Variants in TTLL3 observed in about 807,000 individuals in gnomAD.
TTLL3 encodes the protein tubulin tyrosine ligase like 3.
TTLL3 carries 63 observed loss-of-function variants against 75.2 expected under a neutral mutation model. That is an observed-to-expected ratio of 0.84 (90% confidence interval 0.68 to 1.03). The LOEUF (loss-of-function observed/expected upper bound fraction) is 1.03. TTLL3 is among the 50% of genes least tolerant of loss of function. The probability of loss-of-function intolerance (pLI) is 0.00; values close to 1 mark genes in which losing one functional copy is unlikely to be tolerated. For synonymous variants in TTLL3, 393 were observed against 418.5 expected (o/e 0.94, Z 0.74); for missense variants, 997 against 1,069.9 (o/e 0.93, Z 0.95).
chr3:9,820,842 C>G, intron 8 of TTLL3, 101 bp downstream of exon 8: 1 of 1,495,566 alleles, frequency 6.7e-7, no homozygotes, highest in African/African-American at 1.4e-5. Flanking sequence ...GCCTCCCGCT[C>G]GTTTACCCCG....
intron 6 of TTLL3, chr3:9,818,514 G>A (rs954085706): frequency 3.3e-4 from 126 of 383,398 alleles, no homozygotes; most frequent in Non-Finnish European, 4.2e-4. Context: ...GACTACAGGC[G>A]CCCGCCATCA....
At chr3:9,824,473 C>T (rs904362244) in intron 8 of TTLL3, among the ~76,000 whole-genome samples, 12 of 152,218 alleles carry the variant, frequency 7.9e-5, no homozygotes, top group African/African-American at 1.4e-4. Flanking sequence ...TGCAATGGCG[C>T]GATCTCGGCT....
chr3:9,834,114 A>G (rs1353069636), intron 12 of TTLL3: 4 of 102,382 alleles, frequency 3.9e-5, no homozygotes, highest in African/African-American at 1.2e-4. Context: ...CTCTGTCTCA[A>G]AAAAAAAAAA....
chr3:9,823,315 C>T (rs549500087), intron 8 of TTLL3, among the ~76,000 whole-genome samples: 24 of 151,146 alleles, frequency 1.6e-4, no homozygotes, highest in African/African-American at 1.7e-4. Context: ...ACCCAGAAGG[C>T]GGAGCTTGCA....
At chr3:9,813,750 A>T (rs1289836134) in intron 4 of TTLL3, among the ~76,000 whole-genome samples, 1 of 152,078 alleles carries the variant, frequency 6.6e-6, no homozygotes, top group African/African-American at 2.4e-5. Context: ...GCACCATTGC[A>T]CTCCAACCTG....
In TTLL3 at chr3:9,810,269, C is replaced by T. The variant is rs1483346171; in HGVS notation, c.-167C>T. On this transcript the variant is annotated 5_prime_UTR_variant, in exon 1 of 14. Transcript: ENST00000685419. The surrounding 1 kb of genome is among the most constrained non-coding windows in gnomAD (Gnocchi z 4.4). ...GGCAGATGCCAGGCGGGCAGCCCCG[C>T]CCCTGCGCGCCGCCTCAGCGGCGCC... 6.0e-6 allele frequency: 9 copies of T among 1,506,994 alleles called. No homozygotes were observed. In the East Asian group the frequency reaches 1.6e-4, roughly 27 times the overall value. The allele number at this position is 1,506,994 out of a possible 1,614,324, so 93.4% of individuals were successfully genotyped here.
chr3:9,810,915 G>A lies in TTLL3; in HGVS notation c.48+206G>A, dbSNP rs572477376. 2.5e-4 allele frequency among the ~76,000 whole-genome samples: 38 copies of A among 152,164 alleles called. No homozygotes were observed. The highest frequency in any genetic ancestry group is 8.7e-4 in the African/African-American group (36 of 41,524). On this transcript the variant is annotated intron_variant, in intron 2 of 13. Transcript: ENST00000685419. The surrounding 1 kb of genome is among the most constrained non-coding windows in gnomAD (Gnocchi z 4.4). ...GGCTCCCTCCACTCTGGTTCCCTGC[G>A]ATGTCCCACTCTAATCAAGGTGCCT... is the stretch of plus-strand genomic sequence containing the variant.
intron 5 of TTLL3, among the ~76,000 whole-genome samples, chr3:9,816,974 C>T (rs2079931933): frequency 1.3e-5 from 2 of 152,104 alleles, no homozygotes; most frequent in Admixed American, 1.3e-4. Flanking sequence ...GGAAGCAGCT[C>T]TTTTTTTATT....
chr3:9,816,519 G>GTTTTTTTTTTTTTTTT (rs1397485164), intron 5 of TTLL3, among the ~76,000 whole-genome samples: 3 of 36,142 alleles, frequency 8.3e-5, no homozygotes, highest in South Asian at 7.8e-4. Flanking sequence ...TCTTACCTGG[G>GTTTTTTTTTTTTTTTT]TTTCTTTTTT....
At chr3:9,830,553 T>C (rs1468688636) in intron 11 of TTLL3, among the ~76,000 whole-genome samples, 1 of 152,148 alleles carries the variant, frequency 6.6e-6, no homozygotes, top group Non-Finnish European at 1.5e-5. Context: ...TATTGATCAT[T>C]TCTTAAATTA....
chr3:9,817,900 C>T, intron 6 of TTLL3, 141 bp downstream of exon 6: 1 of 1,110,532 alleles, frequency 9.0e-7, no homozygotes, highest in Non-Finnish European at 1.3e-6. Context: ...ACCCTCAATC[C>T]TTATCCTTCC....
chr3:9,833,080 C>T, intron 11 of TTLL3, 24 bp from the exon 12 acceptor site: 1 of 1,613,724 alleles, frequency 6.2e-7, no homozygotes, highest in Non-Finnish European at 8.5e-7. Context: ...CTGAGTGGGC[C>T]TTGTCTCCTC....
chr3:9,834,699 G>A lies in TTLL3; in HGVS notation c.1844G>A (p.Ser615Asn). 1 of 1,614,044 alleles carries A rather than the reference G, an allele frequency of 6.2e-7. No homozygotes were observed. Among genetic ancestry groups the A allele is most frequent in the Non-Finnish European group, 8.5e-7 (1 of 1,180,030 alleles). ...GSGEARHHFPSLHTKAQLPSP... is the reference protein window; with the variant it reads ...GSGEARHHFPNLHTKAQLPSP... The stretch of plus-strand genomic sequence containing the variant: ...CCCACAGCCCGTCACCACTTCCCCA[G>A]CCTCCACACCAAGGCCCAGCTGCCT... The change falls in exon 13 of 14, where the codon AGC becomes AAC. Residue 615 changes from serine (S) to asparagine (N), a missense_variant. Coordinates refer to ENST00000685419, the MANE Select transcript of TTLL3 (RefSeq NM_001387446.1).
rs560428064 is a variant in TTLL3, at chr3:9,810,285, C to A, written c.-151C>A. Reference sequence around the variant, plus strand: ...GCAGCCCCGCCCCTGCGCGCCGCCTCAGCGGCGCCTTCAAGACGCTGGTCC... The same window carrying A: ...GCAGCCCCGCCCCTGCGCGCCGCCTAAGCGGCGCCTTCAAGACGCTGGTCC... On this transcript the variant is annotated 5_prime_UTR_variant, in exon 1 of 14. Coordinates refer to ENST00000685419, the MANE Select transcript of TTLL3 (RefSeq NM_001387446.1). The surrounding 1 kb of genome is among the most constrained non-coding windows in gnomAD (Gnocchi z 4.4). 6.6e-7 allele frequency: 1 copy of A among 1,503,914 alleles called. No homozygotes were observed. 93.2% of individuals were successfully genotyped at this position (1,503,914 alleles called of 1,614,324 possible). A position where few individuals can be genotyped will look rare whatever the true frequency, so the allele number is the denominator to read the frequency against.
chr3:9,819,129 A>G, intron 7 of TTLL3: 1 of 618,886 alleles, frequency 1.6e-6, no homozygotes, highest in Non-Finnish European at 2.8e-6. Context: ...TCTCTGATCT[A>G]CCGATTCACC....
rs1359629432 is a variant in TTLL3 at position 9,820,476 on chromosome 3, T to G, written c.659-70T>G. On this transcript the variant is annotated intron_variant, in intron 7 of 13. Coordinates refer to ENST00000685419, the MANE Select transcript of TTLL3 (RefSeq NM_001387446.1). ...AGGTAAGTGACAGGCCTTAGGACAA[T>G]GGGGGCTGTGGCATGCGTCAGGTTA... 1.6e-5 allele frequency: 26 copies of G among 1,588,792 alleles called. 1 individual carries two copies. In the South Asian group the frequency reaches 2.9e-4, roughly 18 times the overall value.
intron 7 of TTLL3, chr3:9,819,528 G>C: frequency 1.0e-6 from 1 of 987,998 alleles, no homozygotes. Flanking sequence ...GGAGGAAGCA[G>C]TGAAACTGGG....
chr3:9,810,786 T>C lies in TTLL3; in HGVS notation c.48+77T>C. On this transcript the variant is annotated intron_variant, in intron 2 of 13. Coordinates refer to ENST00000685419, the MANE Select transcript of TTLL3 (RefSeq NM_001387446.1). The surrounding 1 kb of genome is among the most constrained non-coding windows in gnomAD (Gnocchi z 4.4). The stretch of plus-strand genomic sequence containing the variant: ...TGTCTCCCTGCGCTGTTTTCTTATA[T>C]CCTTAAAAAACAAAAGCAAAAGAAA... 7.4e-7 allele frequency: 1 copy of C among 1,348,220 alleles called. No individual in the cohort carries two copies. The highest frequency in any genetic ancestry group is 1.4e-5 in the South Asian group (1 of 72,656). 83.5% of individuals were successfully genotyped at this position (1,348,220 alleles called of 1,614,324 possible).
intron 10 of TTLL3, 115 bp downstream of exon 10, chr3:9,827,355 C>T: frequency 6.7e-7 from 1 of 1,493,500 alleles, no homozygotes; most frequent in Non-Finnish European, 8.9e-7. Context: ...CACACACAGA[C>T]TGCAGGCAGG....
Sources: allele counts gnomAD v4.1 joint callset (sites outside exome capture counted in the v4.1 genomes callset), GRCh38; gene constraint gnomAD v4.1.1; non-coding constraint Gnocchi (gnomAD v3.1); transcripts MANE v1.5; gene names NCBI Gene and HGNC (gene_info 2026-07-23, HGNC 2026-07-21).